Variants in SMTN observed in about 807,000 individuals in gnomAD.
SMTN encodes smoothelin.
SMTN carries 58 observed loss-of-function variants against 102.0 expected under a neutral mutation model. That is an observed-to-expected ratio of 0.57 (90% CI 0.46 to 0.71). The LOEUF (loss-of-function observed/expected upper bound fraction) is 0.71, where lower values mean the gene tolerates loss of function less well. Ranked by LOEUF, SMTN falls within the 30% of genes least tolerant of loss-of-function variation. The pLI is 0.00. For missense variants in SMTN, 1,185 were observed against 1,241.7 expected (o/e 0.95, Z 0.69); for synonymous variants, 478 against 497.9 (o/e 0.96, Z 0.53).
chr22:31,098,640 C>CCTAA, intron 16 of SMTN, 27 bp from the exon 17 acceptor site: 1 of 1,609,324 alleles, frequency 6.2e-7, no homozygotes, highest in African/African-American at 1.3e-5. Flanking sequence ...GCTCTCCCTG[C>CCTAA]CTAACATGCG....
At chr22:31,068,712 A>T (rs989872046) in intron 1 of SMTN, among the ~76,000 whole-genome samples, 8 of 152,164 alleles carry the variant, frequency 5.3e-5, no homozygotes, top group Non-Finnish European at 1.2e-4. Context: ...GACCGTGTTG[A>T]GCGAGACAAA....
chr22:31,092,116 C>T (rs964498480), intron 11 of SMTN, among the ~76,000 whole-genome samples: 1 of 152,148 alleles, frequency 6.6e-6, no homozygotes, highest in African/African-American at 2.4e-5. Flanking sequence ...ATCCTTAGTT[C>T]GAAATTGGTT....
intron 13 of SMTN, 50 bp from the exon 14 acceptor site, chr22:31,096,683 T>C (rs764877464): frequency 2.7e-5 from 41 of 1,499,606 alleles, no homozygotes; most frequent in Non-Finnish European, 3.2e-5. Flanking sequence ...ATCTGTGCTG[T>C]GTGGGTGTTG....
At chr22:31,069,158 C>T (rs1483451682) in intron 1 of SMTN, among the ~76,000 whole-genome samples, 22 of 152,168 alleles carry the variant, frequency 1.4e-4, no homozygotes, top group Non-Finnish European at 5.9e-5. Flanking sequence ...CACCTGGCCC[C>T]GCTCCAGAAG....
rs745918859 is a variant in SMTN at position 31,098,821 on chromosome 22, G to A, written c.2314G>A (p.Glu772Lys). 103 of 1,610,880 alleles carry A rather than the reference G, an allele frequency of 6.4e-5. No individual in the cohort carries two copies. Among genetic ancestry groups the A allele is most frequent in the Non-Finnish European group, 8.6e-5 (102 of 1,179,566 alleles). Reference protein sequence around the residue: ...QARKAMIEKLEKEGAAGSPGG... With the variant: ...QARKAMIEKLKKEGAAGSPGG... Reference sequence around the variant, plus strand: ...GCGCAAGGCCATGATTGAGAAGCTGGAGAAGGAGGGCGCGGCCGGGTGAGC... The same window carrying A: ...GCGCAAGGCCATGATTGAGAAGCTGAAGAAGGAGGGCGCGGCCGGGTGAGC... Residue 772 changes from glutamate (E) to lysine (K), a missense_variant, in exon 17 of 21, where the codon GAG becomes AAG. Glu to Lys is a moderately conservative substitution (Grantham distance 56, BLOSUM62 1). Transcript: ENST00000333137.
chr22:31,073,011 C>CTTTTGTTT (rs2042040408), intron 1 of SMTN, among the ~76,000 whole-genome samples: 1 of 85,684 alleles, frequency 1.2e-5, no homozygotes, highest in Non-Finnish European at 2.2e-5. Context: ...CTCTCTCTCT[C>CTTTTGTTT]TTTTTTTTTT....
chr22:31,077,000 G>A (rs3986064), upstream of SMTN, among the ~76,000 whole-genome samples: 6 of 152,188 alleles, frequency 3.9e-5, no homozygotes, highest in Admixed American at 2.0e-4. Flanking sequence ...TGAAGGAGGC[G>A]AGTCAAACCC....
In SMTN at chr22:31,104,314, A is replaced by G; in HGVS notation, c.*21-2A>G. On this transcript the variant is annotated splice_acceptor_variant, in intron 20 of 20. Transcript: ENST00000333137. LOFTEE classifies it low-confidence loss of function (3UTR_SPLICE). ...ATCCAACCCCGTGCCCCCTCCCTGC[A>G]GGATGCTGGTGGACTGTGTGCCCCT... is the stretch of plus-strand genomic sequence containing the variant. The G allele has an allele frequency of 6.2e-7, 1 of 1,613,972 alleles. No homozygotes were observed. The highest frequency in any genetic ancestry group is 8.5e-7 in the Non-Finnish European group (1 of 1,179,900).
At position 31,095,973 on chromosome 22, in the gene SMTN, G is replaced by A. The variant is rs2043551748; in HGVS notation, c.1861+364G>A. The A allele has an allele frequency of 2.9e-6, 1 of 346,618 alleles. No individual in the cohort carries two copies. Among genetic ancestry groups the A allele is most frequent in the Admixed American group, 4.8e-5 (1 of 21,028 alleles). 21.5% of individuals were successfully genotyped at this position (346,618 alleles called of 1,614,324 possible). A position where few individuals can be genotyped will look rare whatever the true frequency, so the allele number is the denominator to read the frequency against. ...TCCCTGCTGCTCCTCTCTCCCTGAAGTCCATTGATGGCCATCTTAGCCTCT... is the reference window on the plus strand; with the variant it reads ...TCCCTGCTGCTCCTCTCTCCCTGAAATCCATTGATGGCCATCTTAGCCTCT... On this transcript the variant is annotated intron_variant, in intron 13 of 20. Transcript: ENST00000333137. The surrounding 1 kb of genome is among the most constrained non-coding windows in gnomAD (Gnocchi z 4.1).
In SMTN at chr22:31,093,115, A is replaced by C. The variant is rs575414321; in HGVS notation, c.1632+1268A>C. Reference sequence around the variant, plus strand: ...GCCTCAGTTTCCCCACCTGTGAGGCATGGGGCCCCGATCTCAGTGATCTTC... The same window carrying C: ...GCCTCAGTTTCCCCACCTGTGAGGCCTGGGGCCCCGATCTCAGTGATCTTC... On this transcript the variant is annotated intron_variant, in intron 11 of 20. Transcript: ENST00000333137. Among the ~76,000 whole-genome samples the C allele has an allele frequency of 3.3e-5, 5 of 152,344 alleles. No individual in the cohort carries two copies. In the South Asian group the frequency reaches 1.0e-3, roughly 32 times the overall value.
intron 11 of SMTN, chr22:31,093,861 C>T (rs892941561): frequency 1.6e-4 from 256 of 1,578,306 alleles, no homozygotes; most frequent in Non-Finnish European, 2.0e-4. Flanking sequence ...CCGGCACCAC[C>T]CGCAGCACTA....
In SMTN at chr22:31,099,087, G is replaced by T. The variant is rs745362626; in HGVS notation, c.2359G>T (p.Val787Leu). Reference sequence around the variant, plus strand: ...CAGCCCTGGCGGACCCCGCGCAGCCGTGCAGCGATCCACCAGCTTCGGGGT... The same window carrying T: ...CAGCCCTGGCGGACCCCGCGCAGCCTTGCAGCGATCCACCAGCTTCGGGGT... Reference protein sequence around the residue: ...AGSPGGPRAAVQRSTSFGVPN... With the variant: ...AGSPGGPRAALQRSTSFGVPN... The change falls in exon 18 of 21, where the codon GTG becomes TTG. Residue 787 changes from valine to leucine, a missense_variant. Transcript: ENST00000333137. The T allele has an allele frequency of 3.6e-5, 58 of 1,612,712 alleles. No individual in the cohort carries two copies. Among genetic ancestry groups the T allele is most frequent in the Non-Finnish European group, 4.7e-5 (56 of 1,179,894 alleles).
intron 6 of SMTN, 61 bp downstream of exon 6, chr22:31,089,030 G>C (rs906512858): frequency 1.5e-6 from 2 of 1,366,590 alleles, no homozygotes; most frequent in Admixed American, 1.7e-5. Flanking sequence ...AGCACAGAGT[G>C]CCTGAGTGTC....
chr22:31,098,520 G>A, intron 16 of SMTN, 147 bp from the exon 17 acceptor site: 1 of 716,866 alleles, frequency 1.4e-6, no homozygotes, highest in Non-Finnish European at 2.3e-6. Flanking sequence ...AAATGCGTGT[G>A]ATGAGGACGC....
At chr22:31,082,793 G>T in intron 1 of SMTN, 1 of 1,427,920 alleles carries the variant, frequency 7.0e-7, no homozygotes, top group Non-Finnish European at 9.4e-7. Flanking sequence ...CCTGTGGATG[G>T]GTGGGTGGGG....
At position 31,095,455 on chromosome 22, in the gene SMTN, G is replaced by A; in HGVS notation, c.1785G>A (p.Met595Ile). 1 of 1,614,242 alleles carries A rather than the reference G, an allele frequency of 6.2e-7. No homozygotes were observed. The change falls in exon 12 of 21, where the codon ATG becomes ATA. Residue 595 changes from methionine to isoleucine, a missense_variant and splice_region_variant. Met to Ile is a conservative substitution (Grantham distance 10). Transcript: ENST00000333137. The surrounding 1 kb of genome is among the most constrained non-coding windows in gnomAD (Gnocchi z 4.1). ...AGGATGAAGGAGTCTTGGACAAGAT[G>A]GTATAGCCAGATCCGGTGGGCTGGG... ...TIEDEGVLDK[M>I]LDQSTDFEER...
chr22:31,103,907 G>A lies in SMTN; in HGVS notation c.*21-409G>A, dbSNP rs1348780097. ...CCTATCCATAGATAAAGATTGGCCA[G>A]TGATGAAGCCCATCTGGGTGCAAAG... is the stretch of plus-strand genomic sequence containing the variant. On this transcript the variant is annotated intron_variant, in intron 20 of 20. Transcript: ENST00000333137. 4 of 197,622 alleles carry A rather than the reference G, an allele frequency of 2.0e-5. No homozygotes were observed. In the South Asian group the frequency reaches 3.5e-4, roughly 17 times the overall value. 12.2% of individuals were successfully genotyped at this position (197,622 alleles called of 1,614,324 possible).
At chr22:31,100,583 C>A (rs1052707921) in intron 19 of SMTN, among the ~76,000 whole-genome samples, 3 of 152,080 alleles carry the variant, frequency 2.0e-5, no homozygotes, top group Admixed American at 1.3e-4. Context: ...CCCCGCGTTC[C>A]CGCTTGCCCC....
At chr22:31,079,351 C>T (rs1429485609), upstream of SMTN, among the ~76,000 whole-genome samples, 1 of 152,236 alleles carries the variant, frequency 6.6e-6, no homozygotes, top group Non-Finnish European at 1.5e-5. Flanking sequence ...GCAGGACCCA[C>T]ACATCCCTTC....
Sources: allele counts gnomAD v4.1 joint callset (sites outside exome capture counted in the v4.1 genomes callset), GRCh38; gene constraint gnomAD v4.1.1; non-coding constraint Gnocchi (gnomAD v3.1); transcripts MANE v1.5; gene names NCBI Gene and HGNC (gene_info 2026-07-23, HGNC 2026-07-21).